Variants in CTNNA2 observed in about 807,000 individuals in gnomAD.
The protein encoded by CTNNA2 is catenin alpha 2, also known as catenin alpha-2.
CTNNA2 carries 42 observed loss-of-function variants against 101.0 expected under a neutral mutation model. The observed-to-expected ratio is 0.42, with a 90% CI of 0.32 to 0.54. The LOEUF is 0.54. Among genes scored for constraint, CTNNA2 ranks in the 20% least tolerant of loss-of-function variants. The probability of loss-of-function intolerance (pLI) is 0.14; values close to 1 mark genes in which losing one functional copy is unlikely to be tolerated. For missense variants in CTNNA2, 871 were observed against 1,223.1 expected, an observed-to-expected ratio of 0.71 and a Z score of 4.29; for synonymous variants, 450 against 456.4, an observed-to-expected ratio of 0.99 and a Z score of 0.18.
chr2:79,260,308 T>A lies in CTNNA2; in HGVS notation c.-405-52401T>A, dbSNP rs116609433. On this transcript the variant is annotated intron_variant, in intron 2 of 21. Transcript: ENST00000466387. Reference sequence around the variant, plus strand: ...GCACAGAATGAAGCAAATCTGTGAGTCTTCTGGACATGACCACAACACATG... The same window carrying A: ...GCACAGAATGAAGCAAATCTGTGAGACTTCTGGACATGACCACAACACATG... 3.4e-3 allele frequency among the ~76,000 whole-genome samples: 515 copies of A among 152,210 alleles called. 3 individuals carry two copies. Among genetic ancestry groups the A allele is most frequent in the African/African-American group, 0.012 (483 of 41,532 alleles).
chr2:79,843,767 C>T (rs1028548511), intron 3 of CTNNA2, among the ~76,000 whole-genome samples: 1 of 152,134 alleles, frequency 6.6e-6, no homozygotes, highest in Non-Finnish European at 1.5e-5. Flanking sequence ...AACCAGTTCT[C>T]GTACTTACCA....
At chr2:79,394,635 C>T (rs980122099) in intron 4 of CTNNA2, among the ~76,000 whole-genome samples, 2 of 152,178 alleles carry the variant, frequency 1.3e-5, no homozygotes, top group African/African-American at 4.8e-5. Flanking sequence ...TCTCTGACCT[C>T]ACTCAGGAGT....
chr2:79,988,335 G>A (rs1691914035), intron 7 of CTNNA2, among the ~76,000 whole-genome samples: 1 of 152,166 alleles, frequency 6.6e-6, no homozygotes. Context: ...TCTATGATGT[G>A]TCTATTTGAA....
At chr2:80,199,449 T>G (rs1451417898) in intron 7 of CTNNA2, among the ~76,000 whole-genome samples, 2 of 152,288 alleles carry the variant, frequency 1.3e-5, no homozygotes, top group Admixed American at 1.3e-4. Context: ...TAAGATCATC[T>G]CTGTCTTGAA....
chr2:79,677,687 A>G (rs948650655), intron 2 of CTNNA2, among the ~76,000 whole-genome samples: 1 of 152,220 alleles, frequency 6.6e-6, no homozygotes. Context: ...AACTTTGGAG[A>G]TGAATTAGCT....
intron 7 of CTNNA2, among the ~76,000 whole-genome samples, chr2:80,118,741 G>A (rs1701664537): frequency 6.6e-6 from 1 of 152,124 alleles, no homozygotes; most frequent in Non-Finnish European, 1.5e-5. Context: ...GTTACTTTTT[G>A]GCTACTTTTT....
rs1001283952 is a variant in CTNNA2, at chr2:79,214,990, G to C, written c.-406+16914G>C. ...CCTCCGTATTGATTAAGAAGGGGAC[G>C]GACTTACCTTCCACTGTGAGAGTCA... is the stretch of plus-strand genomic sequence containing the variant. On this transcript the variant is annotated intron_variant, in intron 2 of 21. Coordinates refer to the CTNNA2 transcript ENST00000466387. 6.6e-5 allele frequency among the ~76,000 whole-genome samples: 10 copies of C among 152,116 alleles called. No individual in the cohort carries two copies. In the South Asian group the frequency reaches 2.1e-3, roughly 32 times the overall value.
At chr2:79,978,699 A>G (rs751641631) in intron 7 of CTNNA2, among the ~76,000 whole-genome samples, 1 of 152,172 alleles carries the variant, frequency 6.6e-6, no homozygotes, top group Non-Finnish European at 1.5e-5. Flanking sequence ...AAGAGCCACC[A>G]ACTACTGATG....
At chr2:80,447,747 A>G (rs1683187288) in intron 9 of CTNNA2, among the ~76,000 whole-genome samples, 1 of 151,704 alleles carries the variant, frequency 6.6e-6, no homozygotes, top group Non-Finnish European at 1.5e-5. Context: ...AACCTTTCAA[A>G]CAAACACATG....
chr2:79,927,796 T>C (rs1009096934), intron 7 of CTNNA2, among the ~76,000 whole-genome samples: 2 of 152,198 alleles, frequency 1.3e-5, no homozygotes, highest in Admixed American at 1.3e-4. Flanking sequence ...ATTTAATCAT[T>C]ATGCTATCAA....
intron 9 of CTNNA2, among the ~76,000 whole-genome samples, chr2:80,465,604 A>C (rs1684788327): frequency 6.6e-6 from 1 of 152,158 alleles, no homozygotes; most frequent in Non-Finnish European, 1.5e-5. Context: ...TTAGAAATCA[A>C]AGCAGCCCAT....
chr2:79,918,125 T>C (rs544475597), intron 7 of CTNNA2, among the ~76,000 whole-genome samples: 63 of 152,276 alleles, frequency 4.1e-4, no homozygotes, highest in African/African-American at 1.5e-3. Context: ...AATACTTCTA[T>C]CTCATTCCCC....
intron 9 of CTNNA2, among the ~76,000 whole-genome samples, chr2:80,476,794 T>C (rs1685766286): frequency 6.6e-6 from 1 of 152,100 alleles, no homozygotes; most frequent in Admixed American, 6.6e-5. Context: ...CCTCCAAGGA[T>C]GAAATACAGC....
chr2:79,304,110 G>A (rs376229318), intron 2 of CTNNA2, among the ~76,000 whole-genome samples: 5 of 152,048 alleles, frequency 3.3e-5, no homozygotes, highest in Admixed American at 6.6e-5. Context: ...TGTCCTTTAC[G>A]GATGTGGTCA....
At chr2:80,174,761 A>G (rs75802151) in intron 7 of CTNNA2, among the ~76,000 whole-genome samples, 1 of 152,028 alleles carries the variant, frequency 6.6e-6, no homozygotes, top group Admixed American at 6.6e-5. Context: ...TACCTTCCAT[A>G]TCACTTCCAT....
At chr2:79,377,687 A>G (rs1364460600) in intron 4 of CTNNA2, among the ~76,000 whole-genome samples, 2 of 152,186 alleles carry the variant, frequency 1.3e-5, no homozygotes, top group African/African-American at 2.4e-5. Context: ...CCATTACAAA[A>G]GAGTTGGGTT....
chr2:79,634,277 T>C (rs993663468), intron 1 of CTNNA2, among the ~76,000 whole-genome samples: 4 of 152,196 alleles, frequency 2.6e-5, no homozygotes, highest in Non-Finnish European at 4.4e-5. Flanking sequence ...GTTCTGATTT[T>C]TTTTCCTGGA....
At chr2:79,970,062 A>G (rs1446279768) in intron 7 of CTNNA2, among the ~76,000 whole-genome samples, 2 of 152,178 alleles carry the variant, frequency 1.3e-5, no homozygotes, top group East Asian at 3.9e-4. Flanking sequence ...TCCTTACAGT[A>G]AATAGGTGCA....
At chr2:80,434,574 C>A (rs894496637) in intron 9 of CTNNA2, among the ~76,000 whole-genome samples, 3 of 145,288 alleles carry the variant, frequency 2.1e-5, no homozygotes, top group African/African-American at 7.8e-5. Context: ...TGGCTCACTG[C>A]AGCATTGACC....
Sources: gnomAD v4.1 joint callset for allele counts (sites outside exome capture counted in the v4.1 genomes callset) on GRCh38, gnomAD v4.1.1 for gene constraint, MANE v1.5 for transcripts, NCBI Gene and HGNC (gene_info 2026-07-23, HGNC 2026-07-21) for gene names.